The following PPM1K variants were observed in gnomAD, a reference collection of about 807,000 sequenced individuals.
PPM1K encodes protein phosphatase, Mg2+/Mn2+ dependent 1K.
PPM1K carries 19 observed loss-of-function variants against 32.6 expected under a neutral mutation model. That is an observed-to-expected ratio of 0.58 (90% confidence interval 0.41 to 0.86). The LOEUF (loss-of-function observed/expected upper bound fraction) is 0.86, where lower values mean the gene tolerates loss of function less well. PPM1K is among the 40% of genes least tolerant of loss of function. PPM1K has a pLI of 0.00. For missense variants in PPM1K, 362 were observed against 461.2 expected, an observed-to-expected ratio of 0.78 and a Z score of 1.97; for synonymous variants, 159 against 165.3, an observed-to-expected ratio of 0.96 and a Z score of 0.29.
At position 88,262,533 on chromosome 4, in the gene PPM1K, T is replaced by A; in HGVS notation, c.*62A>T. On this transcript the variant is annotated 3_prime_UTR_variant, in exon 7 of 7. Transcript: ENST00000608933. ...GAGTTAGGAGACCTTTTTGATCTTA[T>A]CAGTTTCTTGACATGCTCAGTGAAA... The A allele has an allele frequency of 6.3e-7, 1 of 1,583,268 alleles. No individual in the cohort carries two copies. Among genetic ancestry groups the A allele is most frequent in the Non-Finnish European group, 8.6e-7 (1 of 1,163,608 alleles).
chr4:88,276,935 A>G (rs1418238965), intron 3 of PPM1K: 1 of 709,530 alleles, frequency 1.4e-6, no homozygotes, highest in Non-Finnish European at 2.0e-6. Flanking sequence ...TCTCCAATAT[A>G]TTTCATTTAA....
chr4:88,268,447 C>A, intron 4 of PPM1K, 113 bp from the exon 5 acceptor site: 1 of 1,249,648 alleles, frequency 8.0e-7, no homozygotes, highest in South Asian at 1.3e-5. Flanking sequence ...ACGGTGAAAC[C>A]CCGTCTCTAC....
chr4:88,261,143 C>T lies in PPM1K; in HGVS notation c.*1452G>A, dbSNP rs1164391836. 6.6e-6 allele frequency: 1 copy of T among 152,062 alleles called. No individual in the cohort carries two copies. Among genetic ancestry groups the T allele is most frequent in the East Asian group, 1.9e-4 (1 of 5,200 alleles). The allele number at this position is 152,062 out of a possible 1,614,324, so 9.4% of individuals were successfully genotyped here. ...CAGAAATAAACTACGGAAATAATTC[C>T]AAATACACATTTAGAAATTCACATT... On this transcript the variant is annotated 3_prime_UTR_variant, in exon 7 of 7. Coordinates refer to ENST00000608933, the MANE Select transcript of PPM1K (RefSeq NM_152542.5).
At chr4:88,284,039 G>GTC (rs1200536682) in intron 1 of PPM1K, 1 of 152,250 alleles carries the variant, frequency 6.6e-6, no homozygotes, top group African/African-American at 2.4e-5. Flanking sequence ...TCGGGCAAGG[G>GTC]TCTCCAGTCC....
rs1225146663 is a variant in PPM1K, at chr4:88,258,212, T to C, written c.*4383A>G. 6.6e-6 allele frequency: 1 copy of C among 152,208 alleles called. No homozygotes were observed. The highest frequency in any genetic ancestry group is 6.5e-5 in the Admixed American group (1 of 15,274). The allele number at this position is 152,208 out of a possible 1,614,324, so 9.4% of individuals were successfully genotyped here. Reference sequence around the variant, plus strand: ...GAAAAATAGAAGCATTTTCTTATTATCATATTACCATGAAATTAAATTTAT... The same window carrying C: ...GAAAAATAGAAGCATTTTCTTATTACCATATTACCATGAAATTAAATTTAT... On this transcript the variant is annotated 3_prime_UTR_variant, in exon 7 of 7. Transcript: ENST00000608933.
intron 6 of PPM1K, 107 bp downstream of exon 6, chr4:88,264,894 G>C: frequency 8.9e-7 from 1 of 1,121,876 alleles, no homozygotes; most frequent in South Asian, 1.9e-5. Context: ...AAATATTATG[G>C]AATCAAGTGT....
rs573079406 is a variant in PPM1K, at chr4:88,282,235, C to A, written c.-60+2171G>T. Among the ~76,000 whole-genome samples, 6 of 152,290 alleles carry A rather than the reference C, an allele frequency of 3.9e-5. No homozygotes were observed. In the East Asian group the frequency reaches 1.2e-3, roughly 29 times the overall value. On this transcript the variant is annotated intron_variant, in intron 1 of 6. Coordinates refer to ENST00000608933, the MANE Select transcript of PPM1K (RefSeq NM_152542.5). ...GAAGTCAAGTCATCCAAAAGGAAAG[C>A]ACTTTCTCTGGCAGGAAGGTGCACT... is the stretch of plus-strand genomic sequence containing the variant.
chr4:88,282,508 T>C lies in PPM1K; in HGVS notation c.-60+1898A>G, dbSNP rs142119481. Among the ~76,000 whole-genome samples, 3 of 152,360 alleles carry C rather than the reference T, an allele frequency of 2.0e-5. No homozygotes were observed. The East Asian group carries it at 5.8e-4, about 29-fold the overall frequency. On this transcript the variant is annotated intron_variant, in intron 1 of 6. Transcript: ENST00000608933. ...CCAAATATTTACCTATCGACCTTTT[T>C]AGAAAATCAATTAAGGCATCCCAGT... is the stretch of plus-strand genomic sequence containing the variant.
At chr4:88,268,108 A>G in intron 5 of PPM1K, 82 bp downstream of exon 5, 1 of 1,457,928 alleles carries the variant, frequency 6.9e-7, no homozygotes. Flanking sequence ...GCTTCAGTTA[A>G]GGCTTCCAAG....
In PPM1K at chr4:88,261,603, G is replaced by A. The variant is rs1208747584; in HGVS notation, c.*992C>T. 1 of 152,054 alleles carries A rather than the reference G, an allele frequency of 6.6e-6. No homozygotes were observed. Among genetic ancestry groups the A allele is most frequent in the Non-Finnish European group, 1.5e-5 (1 of 68,024 alleles). 9.4% of individuals were successfully genotyped at this position (152,054 alleles called of 1,614,324 possible). On this transcript the variant is annotated 3_prime_UTR_variant, in exon 7 of 7. Coordinates refer to ENST00000608933, the MANE Select transcript of PPM1K (RefSeq NM_152542.5). The stretch of plus-strand genomic sequence containing the variant: ...CTACAGAAAAATAGGAATAAATGGA[G>A]GGGAGGGCTGATGAGACAGCTGAAA...
chr4:88,283,829 T>C (rs1732118518), intron 1 of PPM1K: 1 of 151,894 alleles, frequency 6.6e-6, no homozygotes. Flanking sequence ...AGGCGGGTGG[T>C]CAGGGTGACA....
intron 5 of PPM1K, among the ~76,000 whole-genome samples, chr4:88,266,836 G>A (rs942571777): frequency 2.7e-5 from 4 of 148,806 alleles, no homozygotes; most frequent in East Asian, 2.0e-4. Context: ...GGGTGCAGGC[G>A]ATGTTGGCTG....
rs193093678 is a variant in PPM1K at position 88,261,596 on chromosome 4, A to C, written c.*999T>G. The stretch of plus-strand genomic sequence containing the variant: ...TTCTTAACTACAGAAAAATAGGAAT[A>C]AATGGAGGGGAGGGCTGATGAGACA... On this transcript the variant is annotated 3_prime_UTR_variant, in exon 7 of 7. Coordinates refer to ENST00000608933, the MANE Select transcript of PPM1K (RefSeq NM_152542.5). 1 of 152,210 alleles carries C rather than the reference A, an allele frequency of 6.6e-6. No individual in the cohort carries two copies. Among genetic ancestry groups the C allele is most frequent in the Non-Finnish European group, 1.5e-5 (1 of 68,034 alleles). 9.4% of individuals were successfully genotyped at this position (152,210 alleles called of 1,614,324 possible). A position where few individuals can be genotyped will look rare whatever the true frequency, so the allele number is the denominator to read the frequency against.
At chr4:88,276,142 C>T (rs779539611) in intron 3 of PPM1K, 3 of 985,306 alleles carry the variant, frequency 3.0e-6, no homozygotes, top group Non-Finnish European at 3.6e-6. Flanking sequence ...AGGAAAATCC[C>T]AGCCCTAACT....
chr4:88,272,245 T>C (rs1438772860), intron 3 of PPM1K, among the ~76,000 whole-genome samples: 1 of 152,210 alleles, frequency 6.6e-6, no homozygotes, highest in Non-Finnish European at 1.5e-5. Context: ...GCTCTCTTTT[T>C]TTTTCTTTTG....
intron 3 of PPM1K, among the ~76,000 whole-genome samples, chr4:88,270,213 T>C (rs1230441208): frequency 6.6e-6 from 1 of 152,034 alleles, no homozygotes; most frequent in Admixed American, 6.6e-5. Context: ...GATATATACA[T>C]AAATAGATTT....
At chr4:88,271,584 T>C (rs918147534) in intron 3 of PPM1K, among the ~76,000 whole-genome samples, 6 of 152,166 alleles carry the variant, frequency 3.9e-5, no homozygotes, top group Non-Finnish European at 7.3e-5. Context: ...ACTGAAATAA[T>C]TGGTCTTAAA....
Position 88,277,246 on chromosome 4 carries a change from T to A in PPM1K, c.441-3A>T. On this transcript the variant is annotated splice_region_variant and splice_polypyrimidine_tract_variant and intron_variant, in intron 2 of 6. Transcript: ENST00000608933. The stretch of plus-strand genomic sequence containing the variant: ...TCTTCTCCTTAGGAAGCAAATCCCT[T>A]TGTGGGGAGGAAAAAAAGAGCCTTA... 1 of 1,603,356 alleles carries A rather than the reference T, an allele frequency of 6.2e-7. No homozygotes were observed. The highest frequency in any genetic ancestry group is 8.5e-7 in the Non-Finnish European group (1 of 1,170,340).
At chr4:88,277,443 A>G (rs1367843297) in intron 2 of PPM1K, 200 bp from the exon 3 acceptor site, 5 of 511,682 alleles carry the variant, frequency 9.8e-6, no homozygotes, top group Non-Finnish European at 1.7e-5. Flanking sequence ...AGGGCACAAC[A>G]ATGAAAGTCC....
Sources: gnomAD v4.1 joint callset for allele counts (sites outside exome capture counted in the v4.1 genomes callset) on GRCh38, gnomAD v4.1.1 for gene constraint, MANE v1.5 for transcripts, NCBI Gene and HGNC (gene_info 2026-07-23, HGNC 2026-07-21) for gene names.